The following CPEB1 variants were observed in gnomAD, a reference collection of about 807,000 sequenced individuals.
CPEB1 encodes cytoplasmic polyadenylation element binding protein 1.
Under a neutral mutation model 65.8 loss-of-function variants are expected in CPEB1, and 7 were observed. That is an observed-to-expected ratio of 0.11 (90% CI 0.06 to 0.20). The LOEUF is 0.20. Ranked by LOEUF, CPEB1 falls within the 10% of genes least tolerant of loss-of-function variation. The probability of loss-of-function intolerance (pLI) is 1.00; values close to 1 mark genes in which losing one functional copy is unlikely to be tolerated. For missense variants in CPEB1, 551 were observed against 712.2 expected, an observed-to-expected ratio of 0.77 and a Z score of 2.58; for synonymous variants, 262 against 260.0, an observed-to-expected ratio of 1.01 and a Z score of -0.08.
intron 3 of CPEB1, among the ~76,000 whole-genome samples, chr15:82,601,108 G>A (rs1035560586): frequency 3.3e-5 from 5 of 150,786 alleles, no homozygotes; most frequent in Non-Finnish European, 4.4e-5. Flanking sequence ...GTTTCGTCAC[G>A]TTGGTCAGGC....
intron 3 of CPEB1, among the ~76,000 whole-genome samples, chr15:82,604,258 C>A (rs971916053): frequency 6.6e-6 from 1 of 151,998 alleles, no homozygotes; most frequent in Non-Finnish European, 1.5e-5. Flanking sequence ...CCGAGGCAGG[C>A]GGATCACAAG....
At chr15:82,547,287 T>TA in intron 10 of CPEB1, 50 bp from the exon 11 acceptor site, 241 of 658,078 alleles carry the variant, frequency 3.7e-4, no homozygotes, top group Middle Eastern at 8.8e-4. Context: ...TCCCAAATGC[T>TA]ACTTTTTTTT....
intron 3 of CPEB1, among the ~76,000 whole-genome samples, chr15:82,590,718 G>T (rs1317626513): frequency 6.6e-6 from 1 of 151,996 alleles, no homozygotes; most frequent in Admixed American, 6.6e-5. Context: ...TCCCTTCTTT[G>T]TGTCCATATG....
intron 1 of CPEB1, chr15:82,629,226 C>A: frequency 1.0e-6 from 1 of 981,658 alleles, no homozygotes; most frequent in Non-Finnish European, 1.2e-6. Flanking sequence ...AGGATACCAA[C>A]TTTTTGATGA....
At chr15:82,556,348 C>G in intron 5 of CPEB1, 2 of 486,046 alleles carry the variant, frequency 4.1e-6, no homozygotes, top group Non-Finnish European at 7.0e-6. Flanking sequence ...TCTTTATAAC[C>G]ATTTAAAATG....
intron 3 of CPEB1, chr15:82,573,195 A>T: frequency 6.7e-7 from 1 of 1,492,924 alleles, no homozygotes; most frequent in Non-Finnish European, 8.9e-7. Context: ...ACTCAGGCAT[A>T]GCCTAGAAGG....
intron 3 of CPEB1, chr15:82,572,857 A>T: frequency 1.7e-6 from 1 of 586,338 alleles, no homozygotes; most frequent in Non-Finnish European, 2.9e-6. Context: ...AGCAACAAAG[A>T]CTAAGAAAAT....
intron 3 of CPEB1, among the ~76,000 whole-genome samples, chr15:82,598,255 CACCTGAGGTGGGTGG>C (rs2042816640): frequency 5.6e-5 from 1 of 17,882 alleles, no homozygotes; most frequent in Non-Finnish European, 1.1e-4. Flanking sequence ...GTGGGTGGAT[CACCTGAGGTGGGTGG>C]ATCACCTGAG....
intron 3 of CPEB1, chr15:82,573,036 C>A: frequency 6.5e-7 from 1 of 1,534,638 alleles, no homozygotes; most frequent in Non-Finnish European, 8.7e-7. Flanking sequence ...GGTAGCACTC[C>A]ACCTGCTTGT....
At chr15:82,596,821 C>A (rs1165202275) in intron 3 of CPEB1, among the ~76,000 whole-genome samples, 1 of 151,966 alleles carries the variant, frequency 6.6e-6, no homozygotes, top group African/African-American at 2.4e-5. Context: ...TTTGATACAT[C>A]CTCTTGACAT....
chr15:82,551,022 G>A (rs887411736), intron 9 of CPEB1, among the ~76,000 whole-genome samples: 22 of 152,046 alleles, frequency 1.4e-4, no homozygotes, highest in African/African-American at 5.3e-4. Flanking sequence ...TGTGAAAGCA[G>A]GAGGGGAGGA....
chr15:82,594,254 G>A (rs2042496337), intron 3 of CPEB1, among the ~76,000 whole-genome samples: 1 of 152,114 alleles, frequency 6.6e-6, no homozygotes, highest in African/African-American at 2.4e-5. Context: ...AATGATCTTA[G>A]CTAGATCTTC....
intron 2 of CPEB1, among the ~76,000 whole-genome samples, chr15:82,627,584 A>T (rs1231026369): frequency 6.6e-6 from 1 of 152,202 alleles, no homozygotes; most frequent in African/African-American, 2.4e-5. Flanking sequence ...TCCACAAAGG[A>T]TACTATTAAG....
rs1312415747 is a variant in CPEB1 at position 82,544,681 on chromosome 15, G to A, written c.1678C>T (p.Arg560Trp). ...RDQVCFKYFC[R>W]SCWHWRHSME... ...CTGTGCCGCCAGTGCCAGCAGCTCC[G>A]GCAGAAGTATTTGAAGCAGACCTGG... is the stretch of plus-strand genomic sequence containing the variant. Residue 560 changes from arginine to tryptophan, a missense_variant, in exon 13 of 13, where the codon CGG becomes TGG. Physicochemically the swap from Arg to Trp is moderately radical, Grantham distance 101. Around this residue, in one of 6 missense-constraint regions of CPEB1, gnomAD observed 98 missense variants for 157.6 expected, o/e 0.62. Coordinates refer to ENST00000684509, the MANE Select transcript of CPEB1 (RefSeq NM_001365242.1). 4 of 1,613,402 alleles carry A rather than the reference G, an allele frequency of 2.5e-6. No individual in the cohort carries two copies. Among genetic ancestry groups the A allele is most frequent in the South Asian group, 2.2e-5 (2 of 90,956 alleles).
chr15:82,553,856 G>A, intron 7 of CPEB1, 22 bp downstream of exon 7: 1 of 1,492,486 alleles, frequency 6.7e-7, no homozygotes, highest in Non-Finnish European at 9.3e-7. Flanking sequence ...AACTCTTAAA[G>A]CAGGTCTTAG....
At chr15:82,611,961 AG>A (rs1479732954) in intron 3 of CPEB1, among the ~76,000 whole-genome samples, 1 of 152,100 alleles carries the variant, frequency 6.6e-6, no homozygotes, top group Non-Finnish European at 1.5e-5. Context: ...TTGTAATCCC[AG>A]CACTTTGGGA....
chr15:82,593,298 T>C (rs1014142029), intron 3 of CPEB1, among the ~76,000 whole-genome samples: 1 of 152,214 alleles, frequency 6.6e-6, no homozygotes, highest in Non-Finnish European at 1.5e-5. Context: ...CTTTATCAAC[T>C]AACTTTATGT....
intron 5 of CPEB1, chr15:82,556,374 A>G: frequency 2.5e-6 from 1 of 397,318 alleles, no homozygotes; most frequent in Non-Finnish European, 4.4e-6. Flanking sequence ...ATCATATTCT[A>G]TTTAGGGAAC....
intron 3 of CPEB1, among the ~76,000 whole-genome samples, chr15:82,588,080 T>C (rs1481692566): frequency 6.6e-6 from 1 of 150,884 alleles, no homozygotes; most frequent in Non-Finnish European, 1.5e-5. Flanking sequence ...TGCCACCACA[T>C]CCAACTAGGT....
Sources: gnomAD v4.1 joint callset for allele counts (sites outside exome capture counted in the v4.1 genomes callset) on GRCh38, gnomAD v4.1.1 for gene constraint, gnomAD v4.1.1 regional missense constraint, MANE v1.5 for transcripts, NCBI Gene and HGNC (gene_info 2026-07-23, HGNC 2026-07-21) for gene names.